The following ATXN8OS variants were observed in gnomAD, a reference collection of about 807,000 sequenced individuals.
ATXN8OS encodes ATXN8 opposite strand lncRNA.
At chr13:70,151,306 CA>C (rs1888863436) in intron 4 of ATXN8OS, among the ~76,000 whole-genome samples, 1 of 152,036 alleles carries the variant, frequency 6.6e-6, no homozygotes, top group South Asian at 2.1e-4. Context: ...TTTCTTCTTC[CA>C]CCCTTCCCCC....
chr13:70,145,180 T>G (rs968631060), intron 3 of ATXN8OS, among the ~76,000 whole-genome samples: 1 of 152,174 alleles, frequency 6.6e-6, no homozygotes, highest in South Asian at 2.1e-4. Flanking sequence ...GCATTATTTC[T>G]GAGGGCTCTG....
rs756941510 is a variant in ATXN8OS at position 70,171,410 on chromosome 13, C to G, written n.2231C>G. Among the ~76,000 whole-genome samples, 5 of 152,238 alleles carry G rather than the reference C, an allele frequency of 3.3e-5. No individual in the cohort carries two copies. In the South Asian group the frequency reaches 8.3e-4, roughly 25 times the overall value. On this transcript the variant is annotated non_coding_transcript_exon_variant, in exon 5 of 5. Coordinates refer to ENST00000678624, the Ensembl canonical transcript of ATXN8OS. ...AGAGCTAGCAGGACTGGAAATTGCT[C>G]TGGGTGAGTCACTGAGTGAATGAGT...
At chr13:70,157,096 G>GT (rs1429773960) in intron 4 of ATXN8OS, among the ~76,000 whole-genome samples, 1 of 150,088 alleles carries the variant, frequency 6.7e-6, no homozygotes, top group African/African-American at 2.5e-5. Context: ...CTGATGAATT[G>GT]TTCTACCTTC....
chr13:70,148,354 T>A (rs1174364259), intron 4 of ATXN8OS, among the ~76,000 whole-genome samples: 2 of 152,114 alleles, frequency 1.3e-5, no homozygotes, highest in Non-Finnish European at 2.9e-5. Context: ...AAGAGTCGGG[T>A]TGGACTTGGC....
chr13:70,154,004 T>C (rs1472555427), intron 4 of ATXN8OS, among the ~76,000 whole-genome samples: 1 of 152,118 alleles, frequency 6.6e-6, no homozygotes, highest in Non-Finnish European at 1.5e-5. Context: ...ATTACTCTTC[T>C]AATTGTCCCC....
chr13:70,136,105 T>G (rs1271275881), intron 3 of ATXN8OS, among the ~76,000 whole-genome samples: 1 of 152,198 alleles, frequency 6.6e-6, no homozygotes, highest in Non-Finnish European at 1.5e-5. Context: ...TATTTGTTGG[T>G]GCAAAGAGGC....
chr13:70,153,540 A>T (rs999449744), intron 4 of ATXN8OS, among the ~76,000 whole-genome samples: 6 of 152,290 alleles, frequency 3.9e-5, no homozygotes, highest in African/African-American at 1.4e-4. Flanking sequence ...GCACCATTGC[A>T]CTCCAGCCCG....
intron 3 of ATXN8OS, among the ~76,000 whole-genome samples, chr13:70,141,442 A>T (rs1466329464): frequency 6.6e-6 from 1 of 152,180 alleles, no homozygotes; most frequent in Non-Finnish European, 1.5e-5. Context: ...AAAATATTTT[A>T]ATCTTTCAAA....
chr13:70,158,521 A>G (rs1178742656), intron 4 of ATXN8OS, among the ~76,000 whole-genome samples: 1 of 152,236 alleles, frequency 6.6e-6, no homozygotes, highest in African/African-American at 2.4e-5. Flanking sequence ...TTTCAACAAT[A>G]TGCCTAGATG....
intron 4 of ATXN8OS, among the ~76,000 whole-genome samples, chr13:70,167,720 C>CT (rs1356536326): frequency 2.3e-5 from 2 of 87,336 alleles, no homozygotes; most frequent in East Asian, 3.6e-4. Context: ...ACATATGTAA[C>CT]TTCTTTTTTT....
At chr13:70,113,584 G>A (rs1345235949) in intron 1 of ATXN8OS, among the ~76,000 whole-genome samples, 1 of 152,190 alleles carries the variant, frequency 6.6e-6, no homozygotes, top group African/African-American at 2.4e-5. Context: ...AAAATAGTAA[G>A]ATTATAGTTT....
intron 4 of ATXN8OS, among the ~76,000 whole-genome samples, chr13:70,159,603 A>G (rs1231422365): frequency 6.6e-6 from 1 of 152,152 alleles, no homozygotes; most frequent in African/African-American, 2.4e-5. Context: ...GGACATTAGC[A>G]TATGTATACA....
chr13:70,121,874 C>T (rs183881678), intron 2 of ATXN8OS, among the ~76,000 whole-genome samples: 5 of 151,904 alleles, frequency 3.3e-5, no homozygotes, highest in East Asian at 1.9e-4. Flanking sequence ...TGCAATTAAT[C>T]GGGTCAGGAA....
intron 4 of ATXN8OS, among the ~76,000 whole-genome samples, chr13:70,157,374 C>T (rs544389839): frequency 6.6e-6 from 1 of 151,708 alleles, no homozygotes; most frequent in South Asian, 2.1e-4. Context: ...GGAGAAAATC[C>T]TGAAAAAGTA....
intron 3 of ATXN8OS, among the ~76,000 whole-genome samples, chr13:70,145,815 G>T (rs1407258378): frequency 6.6e-6 from 1 of 151,926 alleles, no homozygotes; most frequent in Non-Finnish European, 1.5e-5. Context: ...AACCCTAGAA[G>T]AAAACGTTGG....
chr13:70,145,294 G>A (rs373360501), intron 3 of ATXN8OS, among the ~76,000 whole-genome samples: 17 of 151,848 alleles, frequency 1.1e-4, no homozygotes, highest in African/African-American at 2.7e-4. Flanking sequence ...TGATGACTCC[G>A]GCTTTGTTCT....
intron 2 of ATXN8OS, among the ~76,000 whole-genome samples, chr13:70,122,784 G>C (rs1432802610): frequency 6.6e-6 from 1 of 151,952 alleles, no homozygotes. Context: ...GAGATACAAA[G>C]ATAGGCATTT....
chr13:70,107,770 A>C, upstream of ATXN8OS: 1 of 1,231,508 alleles, frequency 8.1e-7, no homozygotes, highest in Non-Finnish European at 1.1e-6. Context: ...GGGGGAGGAC[A>C]GCGGGGCCCG....
intron 1 of ATXN8OS, among the ~76,000 whole-genome samples, chr13:70,109,241 C>A (rs539860798): frequency 1.3e-5 from 2 of 152,266 alleles, no homozygotes; most frequent in African/African-American, 2.4e-5. Context: ...GTGAGGATTG[C>A]GATCACTTTC....
Sources: allele counts gnomAD v4.1 joint callset (sites outside exome capture counted in the v4.1 genomes callset), GRCh38; gene constraint gnomAD v4.1.1; transcripts MANE v1.5; gene names NCBI Gene and HGNC (gene_info 2026-07-23, HGNC 2026-07-21).